Variants in TIMP2 observed in about 807,000 individuals in gnomAD.
TIMP2 encodes TIMP metallopeptidase inhibitor 2.
In TIMP2, 5 loss-of-function variants were observed where a neutral mutation model predicts 24.3. That is an observed-to-expected ratio of 0.21 (90% CI 0.11 to 0.43). TIMP2 has a LOEUF of 0.43. TIMP2 is among the 20% of genes least tolerant of loss of function. TIMP2 has a pLI of 1.00. For missense variants in TIMP2, 221 were observed against 297.5 expected (o/e 0.74, Z 1.89); for synonymous variants, 130 against 123.2 (o/e 1.06, Z -0.37).
At chr17:78,885,672 G>A (rs1005112114) in intron 1 of TIMP2, among the ~76,000 whole-genome samples, 5 of 152,192 alleles carry the variant, frequency 3.3e-5, no homozygotes, top group Middle Eastern at 3.4e-3. Flanking sequence ...TGGAAGCTGG[G>A]TGTGAGGGGT....
chr17:78,882,980 C>A (rs185717455), intron 1 of TIMP2, among the ~76,000 whole-genome samples: 1 of 152,214 alleles, frequency 6.6e-6, no homozygotes, highest in Non-Finnish European at 1.5e-5. Context: ...TCAGCGGGTG[C>A]GGCAGACCTC....
chr17:78,895,117 C>CT (rs1001952207), intron 1 of TIMP2, among the ~76,000 whole-genome samples: 2 of 152,076 alleles, frequency 1.3e-5, no homozygotes, highest in African/African-American at 4.8e-5. Context: ...CCCGTCTCTA[C>CT]TAAAAATACA....
intron 1 of TIMP2, chr17:78,904,878 TCA>T (rs1224440232): frequency 6.6e-6 from 1 of 152,262 alleles, no homozygotes; most frequent in African/African-American, 2.4e-5. Flanking sequence ...GCGCGGTGGC[TCA>T]CGCCTGTAAT....
At chr17:78,908,794 C>G (rs968107067) in intron 1 of TIMP2, among the ~76,000 whole-genome samples, 4 of 152,212 alleles carry the variant, frequency 2.6e-5, no homozygotes, top group Admixed American at 2.6e-4. Context: ...TCCTTTATTC[C>G]CTGCCCTGGA....
At chr17:78,899,767 C>T (rs2070061550) in intron 1 of TIMP2, 1 of 152,374 alleles carries the variant, frequency 6.6e-6, no homozygotes. Context: ...ATCCTACCCG[C>T]ATGTCCCCAG....
At chr17:78,871,629 G>C (rs1465991276) in intron 2 of TIMP2, among the ~76,000 whole-genome samples, 2 of 151,794 alleles carry the variant, frequency 1.3e-5, no homozygotes, top group Non-Finnish European at 1.5e-5. Context: ...GGCAGATCAC[G>C]AGGTCAGAAG....
At chr17:78,878,029 A>G (rs2069744064) in intron 1 of TIMP2, among the ~76,000 whole-genome samples, 1 of 152,124 alleles carries the variant, frequency 6.6e-6, no homozygotes, top group Non-Finnish European at 1.5e-5. Context: ...TCAATGGTCC[A>G]CTAAGCCGCA....
intron 3 of TIMP2, among the ~76,000 whole-genome samples, chr17:78,862,786 C>T (rs1482644963): frequency 1.3e-5 from 2 of 152,246 alleles, no homozygotes; most frequent in Admixed American, 6.5e-5. Flanking sequence ...ATGTTTAGCT[C>T]CCACTTTTAA....
At position 78,857,641 on chromosome 17, in the gene TIMP2, C is replaced by T; in HGVS notation, c.346G>A (p.Ala116Thr). ...GKKEYLIAGKAEGDGKMHITL... is the reference protein window; with the variant it reads ...GKKEYLIAGKTEGDGKMHITL... Reference sequence around the variant, plus strand: ...ATGTGCATCTTGCCGTCCCCCTCGGCCTTTCCTGCGGAGAGACGGGGATCA... The same window carrying T: ...ATGTGCATCTTGCCGTCCCCCTCGGTCTTTCCTGCGGAGAGACGGGGATCA... The change falls in exon 4 of 5, where the codon GCC (alanine) becomes ACC (threonine). Residue 116 changes from alanine to threonine, a missense_variant. By Grantham distance (58) the Ala-to-Thr change is moderately conservative. Coordinates refer to ENST00000262768, the MANE Select transcript of TIMP2 (RefSeq NM_003255.5). 6.2e-7 allele frequency: 1 copy of T among 1,614,144 alleles called. No individual in the cohort carries two copies. Among genetic ancestry groups the T allele is most frequent in the Admixed American group, 1.7e-5 (1 of 60,024 alleles).
At chr17:78,862,147 A>C (rs917526219) in intron 3 of TIMP2, among the ~76,000 whole-genome samples, 4 of 152,178 alleles carry the variant, frequency 2.6e-5, no homozygotes, top group African/African-American at 7.2e-5. Context: ...ACTCTGTATG[A>C]GTCTCCTGGT....
At chr17:78,922,277 T>A (rs1453580265) in intron 1 of TIMP2, 1 of 152,214 alleles carries the variant, frequency 6.6e-6, no homozygotes, top group Non-Finnish European at 1.5e-5. Context: ...GTGGGATTTG[T>A]TCCGGGACCC....
intron 1 of TIMP2, among the ~76,000 whole-genome samples, chr17:78,921,813 G>A (rs991813919): frequency 1.2e-4 from 19 of 152,108 alleles, no homozygotes; most frequent in African/African-American, 3.4e-4. Flanking sequence ...TATCTTTGCC[G>A]ACCACAGTTC....
At position 78,857,730 on chromosome 17, in the gene TIMP2, T is replaced by C. The variant is rs2069536161; in HGVS notation, c.341-84A>G. The C allele has an allele frequency of 3.2e-6, 5 of 1,561,566 alleles. No homozygotes were observed. In the South Asian group the frequency reaches 3.5e-5, roughly 11 times the overall value. On this transcript the variant is annotated intron_variant, in intron 3 of 4. Coordinates refer to ENST00000262768, the MANE Select transcript of TIMP2 (RefSeq NM_003255.5). ...GCTCCTCCACCCGGCGCAGGGGCGC[T>C]GGGATTTCGTTGCAACAATCCTGTG...
intron 1 of TIMP2, among the ~76,000 whole-genome samples, chr17:78,894,695 G>A (rs1038761110): frequency 4.6e-5 from 7 of 151,872 alleles, no homozygotes; most frequent in Non-Finnish European, 7.4e-5. Flanking sequence ...AACTATAAAC[G>A]CTTAGAAGAA....
chr17:78,912,595 A>G (rs1011304380), intron 1 of TIMP2, among the ~76,000 whole-genome samples: 1 of 152,190 alleles, frequency 6.6e-6, no homozygotes, highest in African/African-American at 2.4e-5. Flanking sequence ...CATCTTCAGC[A>G]TCGGCTTGGA....
intron 1 of TIMP2, among the ~76,000 whole-genome samples, chr17:78,874,895 C>T (rs1168354440): frequency 6.6e-6 from 1 of 152,190 alleles, no homozygotes; most frequent in Non-Finnish European, 1.5e-5. Context: ...CAGCTGCCAC[C>T]ACACCCAGCT....
intron 1 of TIMP2, among the ~76,000 whole-genome samples, chr17:78,918,065 A>ACACACGCGCGC (rs1555652947): frequency 2.3e-3 from 328 of 144,934 alleles, no homozygotes; most frequent in Non-Finnish European, 3.6e-3. Context: ...TGCACACACA[A>ACACACGCGCGC]ACACACACAC....
intron 1 of TIMP2, chr17:78,900,922 C>A (rs2070081336): frequency 6.6e-6 from 1 of 152,308 alleles, no homozygotes; most frequent in African/African-American, 2.4e-5. Flanking sequence ...AACAGAAACG[C>A]CTCTAACATG....
rs1446334170 is a variant in TIMP2 at position 78,854,099 on chromosome 17, A to C, written c.*1568T>G. ...CCACTTGGGGGTCAGGAGTCTTAACAGGTGCTTTGGGGTTGCCGCTGAATA... is the reference window on the plus strand; with the variant it reads ...CCACTTGGGGGTCAGGAGTCTTAACCGGTGCTTTGGGGTTGCCGCTGAATA... On this transcript the variant is annotated 3_prime_UTR_variant, in exon 5 of 5. Transcript: ENST00000262768. 6.6e-6 allele frequency: 1 copy of C among 152,214 alleles called. No individual in the cohort carries two copies. The highest frequency in any genetic ancestry group is 1.5e-5 in the Non-Finnish European group (1 of 68,084). The allele number at this position is 152,214 out of a possible 1,614,324, so 9.4% of individuals were successfully genotyped here.
Sources: gnomAD v4.1 joint callset for allele counts (sites outside exome capture counted in the v4.1 genomes callset) on GRCh38, gnomAD v4.1.1 for gene constraint, MANE v1.5 for transcripts, NCBI Gene and HGNC (gene_info 2026-07-23, HGNC 2026-07-21) for gene names.